The following MTAP variants were observed in gnomAD, a reference collection of about 807,000 sequenced individuals.
The protein encoded by MTAP is S-methyl-5'-thioadenosine phosphorylase.
MTAP carries 33 observed loss-of-function variants against 33.6 expected under a neutral mutation model. The ratio of observed to expected loss-of-function variants is 0.98; its 90% CI spans 0.74 to 1.31. MTAP has a LOEUF of 1.31. MTAP is among the 40% of genes most tolerant of loss of function. The pLI is 0.00. For missense variants in MTAP, 367 were observed against 360.0 expected, an observed-to-expected ratio of 1.02 and a Z score of -0.16; for synonymous variants, 148 against 125.7, an observed-to-expected ratio of 1.18 and a Z score of -1.19.
chr9:21,816,164 T>C (rs1824469668), intron 2 of MTAP, among the ~76,000 whole-genome samples: 1 of 152,164 alleles, frequency 6.6e-6, no homozygotes. Flanking sequence ...AACCCTCCTT[T>C]TCAGCTAAAT....
At chr9:21,902,991 CA>C (rs1420642629) in intron 1 of MTAP, among the ~76,000 whole-genome samples, 1 of 152,104 alleles carries the variant, frequency 6.6e-6, no homozygotes, top group Admixed American at 6.5e-5. Context: ...AAATTGTAAA[CA>C]TTATAAAAAG....
intron 1 of MTAP, among the ~76,000 whole-genome samples, chr9:21,885,820 G>GTA: frequency 7.2e-6 from 1 of 137,952 alleles, no homozygotes; most frequent in Non-Finnish European, 1.6e-5. Flanking sequence ...GTGTGTGTGT[G>GTA]TATACAGATC....
chr9:21,835,188 A>G (rs1055185593), intron 4 of MTAP, among the ~76,000 whole-genome samples: 1 of 152,202 alleles, frequency 6.6e-6, no homozygotes, highest in African/African-American at 2.4e-5. Flanking sequence ...TCTGATCCCA[A>G]TCATGAGAGA....
At chr9:21,880,063 T>C (rs1286732541) in intron 1 of MTAP, among the ~76,000 whole-genome samples, 1 of 152,100 alleles carries the variant, frequency 6.6e-6, no homozygotes, top group East Asian at 1.9e-4. Flanking sequence ...TTCCAACAAA[T>C]TCCATTTGTT....
Position 21,864,652 on chromosome 9 carries a change from G to C in MTAP, c.*2638G>C. The C allele has an allele frequency of 1.0e-6, 1 of 985,548 alleles. No individual in the cohort carries two copies. Among genetic ancestry groups the C allele is most frequent in the South Asian group, 4.7e-5 (1 of 21,288 alleles). 61.1% of individuals were successfully genotyped at this position (985,548 alleles called of 1,614,324 possible). On this transcript the variant is annotated 3_prime_UTR_variant, in exon 8 of 8. Coordinates refer to ENST00000644715, the MANE Select transcript of MTAP (RefSeq NM_002451.4). ...GCCCCCTTCGCTAGCACGAGTTGCT[G>C]TGCAGGGCTGGAGGTAGCTACCATG...
intron 4 of MTAP, among the ~76,000 whole-genome samples, chr9:21,823,899 C>T (rs184122227): frequency 2.0e-5 from 3 of 152,226 alleles, no homozygotes; most frequent in Admixed American, 6.5e-5. Context: ...TTGATGGAAT[C>T]GGCTACTGAG....
intron 4 of MTAP, among the ~76,000 whole-genome samples, chr9:21,828,343 A>C (rs556826828): frequency 1.3e-5 from 2 of 152,280 alleles, no homozygotes; most frequent in East Asian, 3.9e-4. Flanking sequence ...ACTAGTTGAC[A>C]CTACTTTACA....
At chr9:21,827,888 A>G (rs1360388615) in intron 4 of MTAP, among the ~76,000 whole-genome samples, 1 of 152,258 alleles carries the variant, frequency 6.6e-6, no homozygotes, top group African/African-American at 2.4e-5. Flanking sequence ...GTGGAATACA[A>G]AACTCCATAT....
chr9:21,864,606 G>A lies in MTAP; in HGVS notation c.*2592G>A. ...GTGGTCCCCGAGGGTCATGGTCCTT[G>A]TGACCTGGCCCCTGTTCACTGCCCC... On this transcript the variant is annotated 3_prime_UTR_variant, in exon 8 of 8. Transcript: ENST00000644715. 1 of 985,534 alleles carries A rather than the reference G, an allele frequency of 1.0e-6. No homozygotes were observed. Among genetic ancestry groups the A allele is most frequent in the Non-Finnish European group, 1.2e-6 (1 of 830,006 alleles). 61.0% of individuals were successfully genotyped at this position (985,534 alleles called of 1,614,324 possible).
intron 1 of MTAP, among the ~76,000 whole-genome samples, chr9:21,918,124 GC>G: frequency 7.7e-6 from 1 of 129,342 alleles, no homozygotes; most frequent in African/African-American, 4.0e-5. Context: ...GCCGAGGCGG[GC>G]GGATCACGAG....
chr9:21,820,851 A>G (rs1239387453), intron 4 of MTAP, among the ~76,000 whole-genome samples: 7 of 152,150 alleles, frequency 4.6e-5, no homozygotes, highest in African/African-American at 1.7e-4. Context: ...AACCCTTGTA[A>G]GTTGGATTCC....
chr9:21,918,051 G>A (rs1006937173), intron 1 of MTAP, among the ~76,000 whole-genome samples: 2 of 151,644 alleles, frequency 1.3e-5, no homozygotes, highest in Non-Finnish European at 2.9e-5. Context: ...AGGATGCAAA[G>A]GCATAAGAGT....
downstream of MTAP, among the ~76,000 whole-genome samples, chr9:21,867,359 C>G (rs1825869804): frequency 6.6e-6 from 1 of 152,030 alleles, no homozygotes. Context: ...CCCTTTTATT[C>G]CTATTTTGCC....
intron 4 of MTAP, among the ~76,000 whole-genome samples, chr9:21,837,478 A>T (rs1254173318): frequency 6.6e-6 from 1 of 152,212 alleles, no homozygotes; most frequent in East Asian, 1.9e-4. Flanking sequence ...AAGCTAATAG[A>T]GGAAGCAAGT....
chr9:21,827,135 A>G (rs918991165), intron 4 of MTAP, among the ~76,000 whole-genome samples: 1 of 152,202 alleles, frequency 6.6e-6, no homozygotes, highest in Non-Finnish European at 1.5e-5. Context: ...TATTCCTGGT[A>G]GAAATAATTG....
At chr9:21,905,684 TAA>T (rs1818465580) in intron 1 of MTAP, among the ~76,000 whole-genome samples, 1 of 152,106 alleles carries the variant, frequency 6.6e-6, no homozygotes, top group African/African-American at 2.4e-5. Context: ...AAAACAGCAC[TAA>T]GAGAGAAAGA....
chr9:21,937,738 G>A (rs1170640109), downstream of MTAP: 2 of 152,164 alleles, frequency 1.3e-5, no homozygotes, highest in Non-Finnish European at 2.9e-5. Flanking sequence ...ATTTTTGCCA[G>A]ACTTCCTAAA....
At chr9:21,849,934 C>G (rs183987568) in intron 5 of MTAP, among the ~76,000 whole-genome samples, 1 of 152,338 alleles carries the variant, frequency 6.6e-6, no homozygotes, top group East Asian at 1.9e-4. Flanking sequence ...TATATCTGTC[C>G]ATAAGGACCA....
intron 1 of MTAP, among the ~76,000 whole-genome samples, chr9:21,877,948 A>G (rs1826034818): frequency 1.3e-5 from 2 of 152,114 alleles, no homozygotes; most frequent in African/African-American, 2.4e-5. Flanking sequence ...GCTTTTACTT[A>G]CACATCAGGT....
Sources: allele counts gnomAD v4.1 joint callset (sites outside exome capture counted in the v4.1 genomes callset), GRCh38; gene constraint gnomAD v4.1.1; transcripts MANE v1.5; gene names NCBI Gene and HGNC (gene_info 2026-07-23, HGNC 2026-07-21).